HIVEP2: variants seen among roughly 807,000 people sequenced by gnomAD.
The protein encoded by HIVEP2 is transcription factor HIVEP2.
HIVEP2 carries 14 observed loss-of-function variants against 180.7 expected under a neutral mutation model. That is an observed-to-expected ratio of 0.08 (90% CI 0.05 to 0.12). HIVEP2 has a LOEUF of 0.12. Ranked by LOEUF, HIVEP2 falls within the 10% of genes least tolerant of loss-of-function variation. The pLI is 1.00. For missense variants in HIVEP2, 2,579 were observed against 3,008.5 expected (o/e 0.86, Z 3.34); for synonymous variants, 1,184 against 1,136.4 (o/e 1.04, Z -0.84).
At position 142,770,191 on chromosome 6, in the gene HIVEP2, G is replaced by A. The variant is rs1562504188; in HGVS notation, c.4548C>T (p.Ser1516=). 1 of 1,614,212 alleles carries A rather than the reference G, an allele frequency of 6.2e-7. No homozygotes were observed. Among genetic ancestry groups the A allele is most frequent in the South Asian group, 1.1e-5 (1 of 91,070 alleles). ...DGLQSGSSSF[S]SLSPSSSQDY... ...CTTGAGATGAGGAGGGCGACAGCGA[G>A]GAGAAGGAAGATGACCCTGACTGCA... The change falls in exon 5 of 10, where the codon TCC becomes TCT. Residue 1516 remains serine (S), a synonymous_variant. Transcript: ENST00000367603. This position sits in a 1 kb window ranked among gnomAD's most constrained non-coding sequence, Gnocchi z 4.7.
Position 142,751,910 on chromosome 6 carries a change from TC to T in HIVEP2, c.*1196del, listed in dbSNP as rs911933810. On this transcript the variant is annotated 3_prime_UTR_variant, in exon 10 of 10. Coordinates refer to ENST00000367603, the MANE Select transcript of HIVEP2 (RefSeq NM_006734.4). ...TGGGGAGCAGGTCTCCATCTCCTTT[TC>T]CCCCTTCCACACCCAACCCTCAGAG... 6.5e-6 allele frequency: 1 copy of T among 152,850 alleles called. No individual in the cohort carries two copies. Among genetic ancestry groups the T allele is most frequent in the Non-Finnish European group, 1.5e-5 (1 of 68,294 alleles). The allele number at this position is 152,850 out of a possible 1,614,324, so 9.5% of individuals were successfully genotyped here.
chr6:142,887,423 A>C (rs540929063), intron 1 of HIVEP2, among the ~76,000 whole-genome samples: 45 of 152,296 alleles, frequency 3.0e-4, no homozygotes, highest in African/African-American at 1.1e-3. Context: ...ATCATGTTTC[A>C]CCCTGCTACA....
At chr6:142,857,450 A>C (rs1196360835) in intron 1 of HIVEP2, among the ~76,000 whole-genome samples, 1 of 152,160 alleles carries the variant, frequency 6.6e-6, no homozygotes, top group Non-Finnish European at 1.5e-5. Context: ...ATCCGGCCAT[A>C]ATGACCAGGT....
At chr6:142,755,196 T>C (rs919491846) in intron 9 of HIVEP2, among the ~76,000 whole-genome samples, 4 of 152,222 alleles carry the variant, frequency 2.6e-5, no homozygotes, top group Non-Finnish European at 4.4e-5. Context: ...CTCTGTGATA[T>C]ATCATATGCA....
At chr6:142,765,459 T>A (rs197458) in intron 6 of HIVEP2, among the ~76,000 whole-genome samples, 1 of 152,038 alleles carries the variant, frequency 6.6e-6, no homozygotes, top group South Asian at 2.1e-4. Flanking sequence ...GAATTCTTCA[T>A]TGCAAGTTCC....
chr6:142,783,406 T>C (rs1775908056), intron 3 of HIVEP2, 115 bp downstream of exon 3: 1 of 151,248 alleles, frequency 6.6e-6, no homozygotes, highest in Non-Finnish European at 1.5e-5. Context: ...TCTCTCTAGA[T>C]GGAAAATATA....
At chr6:142,914,108 C>T (rs1270614195) in intron 1 of HIVEP2, among the ~76,000 whole-genome samples, 3 of 152,178 alleles carry the variant, frequency 2.0e-5, no homozygotes, top group African/African-American at 7.2e-5. Context: ...GCTAACACTG[C>T]GTATCCGTAG....
chr6:142,848,076 A>G (rs1488043781), intron 1 of HIVEP2, among the ~76,000 whole-genome samples: 1 of 152,266 alleles, frequency 6.6e-6, no homozygotes, highest in Non-Finnish European at 1.5e-5. Context: ...CATGGTAACC[A>G]GATACCTGTT....
intron 2 of HIVEP2, among the ~76,000 whole-genome samples, chr6:142,786,202 C>T (rs1775993790): frequency 6.6e-6 from 1 of 152,094 alleles, no homozygotes; most frequent in African/African-American, 2.4e-5. Flanking sequence ...TGCTCTTATT[C>T]TCAAGAAATC....
At position 142,774,531 on chromosome 6, in the gene HIVEP2, C is replaced by G. The variant is rs781256986; in HGVS notation, c.208G>C (p.Ala70Pro). ...TGCTGCACCACTTCACTAGGGGAGG[C>G]CAGTTTCCCAGAACCAAACAGTTGT... is the stretch of plus-strand genomic sequence containing the variant. Reference protein sequence around the residue: ...SAQLFGSGKLASPSEVVQQVA... With the variant: ...SAQLFGSGKLPSPSEVVQQVA... The change falls in exon 5 of 10, where the codon GCC (alanine) becomes CCC (proline). Residue 70 changes from alanine to proline, a missense_variant. Ala to Pro is a conservative substitution (Grantham distance 27). Coordinates refer to ENST00000367603, the MANE Select transcript of HIVEP2 (RefSeq NM_006734.4). This position sits in a 1 kb window ranked among gnomAD's most constrained non-coding sequence, Gnocchi z 5.1. 2 of 1,614,178 alleles carry G rather than the reference C, an allele frequency of 1.2e-6. No individual in the cohort carries two copies. The highest frequency in any genetic ancestry group is 3.3e-5 in the Admixed American group (2 of 60,024).
At chr6:142,921,588 GT>G (rs1052381834) in intron 1 of HIVEP2, among the ~76,000 whole-genome samples, 1 of 152,086 alleles carries the variant, frequency 6.6e-6, no homozygotes, top group African/African-American at 2.4e-5. Context: ...CTGATGTTCA[GT>G]TTTTTTTAAT....
At chr6:142,826,327 C>T (rs1431152214) in intron 2 of HIVEP2, among the ~76,000 whole-genome samples, 1 of 152,180 alleles carries the variant, frequency 6.6e-6, no homozygotes, top group African/African-American at 2.4e-5. Context: ...TCACTACACT[C>T]AGGTTTACTG....
At chr6:142,854,439 G>C (rs1166563417) in intron 1 of HIVEP2, among the ~76,000 whole-genome samples, 1 of 152,152 alleles carries the variant, frequency 6.6e-6, no homozygotes, top group Non-Finnish European at 1.5e-5. Flanking sequence ...TGATGTTTAA[G>C]CAAGTGATTA....
chr6:142,791,913 T>G (rs1370191313), intron 2 of HIVEP2, among the ~76,000 whole-genome samples: 1 of 152,058 alleles, frequency 6.6e-6, no homozygotes, highest in Non-Finnish European at 1.5e-5. Flanking sequence ...TGAAATGGTG[T>G]TGTGAGTATA....
rs192486626 is a variant in HIVEP2 at position 142,890,352 on chromosome 6, T to G, written c.-640-53305A>C. 1.1e-4 allele frequency among the ~76,000 whole-genome samples: 16 copies of G among 152,364 alleles called. No individual in the cohort carries two copies. In the East Asian group the frequency reaches 3.1e-3, roughly 29 times the overall value. Reference sequence around the variant, plus strand: ...CTTTACAAAGTTAACGCAATTCAGCTTTTATTGCGTGTACTTCTTCACATA... The same window carrying G: ...CTTTACAAAGTTAACGCAATTCAGCGTTTATTGCGTGTACTTCTTCACATA... On this transcript the variant is annotated intron_variant, in intron 1 of 9. Transcript: ENST00000367603.
intron 1 of HIVEP2, among the ~76,000 whole-genome samples, chr6:142,882,269 A>G (rs1002190666): frequency 6.6e-6 from 1 of 152,216 alleles, no homozygotes; most frequent in Non-Finnish European, 1.5e-5. Flanking sequence ...AAGAATTCCT[A>G]AAGCTAAAGA....
At chr6:142,834,037 A>T (rs1388819604) in intron 2 of HIVEP2, among the ~76,000 whole-genome samples, 1 of 152,220 alleles carries the variant, frequency 6.6e-6, no homozygotes, top group East Asian at 1.9e-4. Flanking sequence ...ACTCTGAATG[A>T]TCTGTGATAG....
Position 142,770,302 on chromosome 6 carries a change from G to A in HIVEP2, c.4437C>T (p.Thr1479=), listed in dbSNP as rs772830299. ...IVEELSAVEL[T]NSDIKKDLSR... ...AGAGGTCCTTTTTGATGTCTGAGTTGGTCAGCTCCACAGCACTAAGCTCCT... is the reference window on the plus strand; with the variant it reads ...AGAGGTCCTTTTTGATGTCTGAGTTAGTCAGCTCCACAGCACTAAGCTCCT... Residue 1479 remains threonine, a synonymous_variant, in exon 5 of 10, where the codon ACC becomes ACT. Coordinates refer to ENST00000367603, the MANE Select transcript of HIVEP2 (RefSeq NM_006734.4). This position sits in a 1 kb window ranked among gnomAD's most constrained non-coding sequence, Gnocchi z 4.7. 4.3e-6 allele frequency: 7 copies of A among 1,614,012 alleles called. No individual in the cohort carries two copies. The African/African-American group carries it at 9.3e-5, about 22-fold the overall frequency.
intron 2 of HIVEP2, among the ~76,000 whole-genome samples, chr6:142,826,138 T>C (rs1774894118): frequency 6.6e-6 from 1 of 152,226 alleles, no homozygotes; most frequent in South Asian, 2.1e-4. Context: ...TTATTTTCAA[T>C]ATCTGAAAAG....
Sources: gnomAD v4.1 joint callset for allele counts (sites outside exome capture counted in the v4.1 genomes callset) on GRCh38, gnomAD v4.1.1 for gene constraint, Gnocchi (gnomAD v3.1) non-coding constraint, MANE v1.5 for transcripts, NCBI Gene and HGNC (gene_info 2026-07-23, HGNC 2026-07-21) for gene names.